The following ZBTB25 variants were observed in gnomAD, a reference collection of about 807,000 sequenced individuals.
ZBTB25 encodes zinc finger and BTB domain containing 25.
ZBTB25 carries 20 observed loss-of-function variants against 34.2 expected under a neutral mutation model. The ratio of observed to expected loss-of-function variants is 0.58; its 90% confidence interval spans 0.41 to 0.85. The LOEUF is 0.85. Among genes scored for constraint, ZBTB25 ranks in the 40% least tolerant of loss-of-function variants. The probability of loss-of-function intolerance (pLI) is 0.00; values close to 1 mark genes in which losing one functional copy is unlikely to be tolerated. For synonymous variants in ZBTB25, 175 were observed against 186.4 expected, an observed-to-expected ratio of 0.94 and a Z score of 0.50; for missense variants, 437 against 521.8, an observed-to-expected ratio of 0.84 and a Z score of 1.58.
At chr14:64,469,437 G>T in intron 2 of ZBTB25, 1 of 1,613,112 alleles carries the variant, frequency 6.2e-7, no homozygotes, top group Non-Finnish European at 8.5e-7. Flanking sequence ...ACTGAAATCA[G>T]TGAATTTGAT....
At chr14:64,455,057 G>A in intron 2 of ZBTB25, 2 of 648,570 alleles carry the variant, frequency 3.1e-6, no homozygotes, top group Non-Finnish European at 5.5e-6. Flanking sequence ...AGCTCTTGCT[G>A]TGGACCATCT....
chr14:64,500,124 G>A (rs758489581), intron 1 of ZBTB25, among the ~76,000 whole-genome samples: 1 of 152,032 alleles, frequency 6.6e-6, no homozygotes, highest in Admixed American at 6.6e-5. Context: ...GTCCATTAAA[G>A]ACAAACCAAA....
chr14:64,476,628 A>T (rs745988713), downstream of ZBTB25, among the ~76,000 whole-genome samples: 1 of 152,164 alleles, frequency 6.6e-6, no homozygotes, highest in Non-Finnish European at 1.5e-5. Flanking sequence ...GCTCAAAACT[A>T]GAGTATTTCT....
At position 64,487,711 on chromosome 14, in the gene ZBTB25, T is replaced by G. The variant is rs145365297; in HGVS notation, c.520A>C (p.Ile174Leu). 1.2e-6 allele frequency: 2 copies of G among 1,613,428 alleles called. No homozygotes were observed. Among genetic ancestry groups the G allele is most frequent in the African/African-American group, 2.7e-5 (2 of 74,856 alleles). Residue 174 changes from isoleucine to leucine, a missense_variant, in exon 3 of 3, where the codon ATT (isoleucine) becomes CTT (leucine). Transcript: ENST00000608382. ...DHPQLQLSLA[I>L]GLDDGTADQQ... is the part of the protein sequence containing the mutation. ...TCTGCAGTGCCATCATCCAGACCAA[T>G]AGCAAGAGACAACTGCAACTGGGGG...
intron 2 of ZBTB25, among the ~76,000 whole-genome samples, chr14:64,459,154 C>T (rs1408804639): frequency 3.9e-5 from 6 of 152,146 alleles, no homozygotes; most frequent in Admixed American, 2.6e-4. Context: ...TATTTTCAGA[C>T]GTGCAAGGGT....
At chr14:64,454,909 T>A (rs377530763) in intron 2 of ZBTB25, 1 of 1,609,950 alleles carries the variant, frequency 6.2e-7, no homozygotes, top group Non-Finnish European at 8.5e-7. Context: ...AGTGGGCGCA[T>A]CTGCACTTCT....
At chr14:64,455,222 TACATAGATTA>T (rs1240439163) in intron 2 of ZBTB25, 1 of 334,788 alleles carries the variant, frequency 3.0e-6, no homozygotes, top group Non-Finnish European at 5.8e-6. Context: ...TTGGGAGCCT[TACATAGATTA>T]ACTCAGTCCC....
At chr14:64,464,920 C>T (rs1199907255) in intron 2 of ZBTB25, among the ~76,000 whole-genome samples, 1 of 152,176 alleles carries the variant, frequency 6.6e-6, no homozygotes, top group Non-Finnish European at 1.5e-5. Flanking sequence ...CACTGGGAGA[C>T]AAAGGTTTGA....
chr14:64,457,004 A>G (rs190307383), intron 2 of ZBTB25, among the ~76,000 whole-genome samples: 1 of 152,348 alleles, frequency 6.6e-6, no homozygotes, highest in Admixed American at 6.5e-5. Flanking sequence ...ACATATTTGC[A>G]TCTAAGTAGA....
rs2078742487 is a variant in ZBTB25 at position 64,478,618 on chromosome 14, A to G, written c.*8305T>C. 6.6e-6 allele frequency: 1 copy of G among 152,236 alleles called. No individual in the cohort carries two copies. The allele number at this position is 152,236 out of a possible 1,614,324, so 9.4% of individuals were successfully genotyped here. A position where few individuals can be genotyped will look rare whatever the true frequency, so the allele number is the denominator to read the frequency against. Reference sequence around the variant, plus strand: ...TTGGAAAAATCTTCAGAAATGCTCAATGTAGCACAATAATGTGATATTTTA... The same window carrying G: ...TTGGAAAAATCTTCAGAAATGCTCAGTGTAGCACAATAATGTGATATTTTA... On this transcript the variant is annotated 3_prime_UTR_variant, in exon 3 of 3. Transcript: ENST00000608382.
intron 2 of ZBTB25, among the ~76,000 whole-genome samples, chr14:64,465,917 A>C (rs1360606346): frequency 2.6e-5 from 4 of 152,142 alleles, no homozygotes; most frequent in African/African-American, 9.7e-5. Flanking sequence ...TGGCCATTAC[A>C]TTATAATTCT....
intron 1 of ZBTB25, among the ~76,000 whole-genome samples, chr14:64,490,806 G>A (rs966384762): frequency 6.6e-6 from 1 of 152,176 alleles, no homozygotes; most frequent in Non-Finnish European, 1.5e-5. Flanking sequence ...AGCTTGGTAT[G>A]AGTGACACAT....
Position 64,486,874 on chromosome 14 carries a change from G to A in ZBTB25, c.*49C>T, listed in dbSNP as rs1357769878. The A allele has an allele frequency of 7.9e-6, 12 of 1,519,434 alleles. No homozygotes were observed. Among genetic ancestry groups the A allele is most frequent in the Non-Finnish European group, 9.7e-6 (11 of 1,137,330 alleles). The allele number at this position is 1,519,434 out of a possible 1,614,324, so 94.1% of individuals were successfully genotyped here. The stretch of plus-strand genomic sequence containing the variant: ...ATAATTTATGAATTAAAAATGCCAC[G>A]CAAATTTTCTTTTTCAGAATTGGTA... On this transcript the variant is annotated 3_prime_UTR_variant, in exon 3 of 3. Transcript: ENST00000608382.
intron 1 of ZBTB25, chr14:64,502,951 A>G: frequency 1.0e-6 from 1 of 985,510 alleles, no homozygotes; most frequent in Non-Finnish European, 1.2e-6. Context: ...CTTGAGTCTC[A>G]AGAGAAAGAA....
At chr14:64,473,323 C>G (rs1157070913), downstream of ZBTB25, 6 of 167,102 alleles carry the variant, frequency 3.6e-5, no homozygotes, top group African/African-American at 1.4e-4. Flanking sequence ...TTCAGAAAAG[C>G]TGTCTGCATA....
intron 1 of ZBTB25, chr14:64,503,423 C>T (rs1405976274): frequency 2.0e-5 from 20 of 985,358 alleles, no homozygotes; most frequent in Middle Eastern, 5.2e-4. Context: ...CAGGCCCCGG[C>T]AGCCGCTCCT....
At chr14:64,465,119 G>C (rs2078596358) in intron 2 of ZBTB25, among the ~76,000 whole-genome samples, 1 of 152,218 alleles carries the variant, frequency 6.6e-6, no homozygotes, top group South Asian at 2.1e-4. Flanking sequence ...ATTCTGAGGG[G>C]GAGGAGAGGA....
Position 64,490,526 on chromosome 14 carries a change from G to A in ZBTB25, c.8C>T (p.Thr3Ile), listed in dbSNP as rs760566890. 2 of 1,610,906 alleles carry A rather than the reference G, an allele frequency of 1.2e-6. No individual in the cohort carries two copies. The highest frequency in any genetic ancestry group is 1.7e-6 in the Non-Finnish European group (2 of 1,178,176). ...GAGAAGAACAAGGCTATGGCTGGCAGTGTCCATTGTGGTTCTGAAAAAAAG... is the reference window on the plus strand; with the variant it reads ...GAGAAGAACAAGGCTATGGCTGGCAATGTCCATTGTGGTTCTGAAAAAAAG... MD[T>I]ASHSLVLLQQ... is the part of the protein sequence containing the mutation. Residue 3 changes from threonine (T) to isoleucine (I), a missense_variant, in exon 2 of 3, where the codon ACT becomes ATT. By Grantham distance (89) the Thr-to-Ile change is moderately conservative (BLOSUM62 -1). Transcript: ENST00000608382.
intron 1 of ZBTB25, among the ~76,000 whole-genome samples, chr14:64,500,826 G>A (rs748152319): frequency 1.1e-4 from 17 of 152,162 alleles, no homozygotes; most frequent in Non-Finnish European, 1.8e-4. Context: ...CAAGGTGGGC[G>A]GATCACTTGA....
Sources: gnomAD v4.1 joint callset for allele counts (sites outside exome capture counted in the v4.1 genomes callset) on GRCh38, gnomAD v4.1.1 for gene constraint, MANE v1.5 for transcripts, NCBI Gene and HGNC (gene_info 2026-07-23, HGNC 2026-07-21) for gene names.